Variants in PRKCH observed in about 807,000 individuals in gnomAD.
PRKCH encodes protein kinase C eta type.
PRKCH carries 28 observed loss-of-function variants against 82.5 expected under a neutral mutation model. The observed-to-expected ratio is 0.34, with a 90% CI of 0.25 to 0.47. The LOEUF (loss-of-function observed/expected upper bound fraction) is 0.47. Among genes scored for constraint, PRKCH ranks in the 20% least tolerant of loss-of-function variants. PRKCH has a pLI of 1.00. For synonymous variants in PRKCH, 322 were observed against 327.4 expected, an observed-to-expected ratio of 0.98 and a Z score of 0.18; for missense variants, 705 against 881.8, an observed-to-expected ratio of 0.80 and a Z score of 2.54.
intron 2 of PRKCH, among the ~76,000 whole-genome samples, chr14:61,395,346 G>C (rs2046762633): frequency 6.8e-6 from 1 of 146,416 alleles, no homozygotes. Flanking sequence ...CTGGCACTGA[G>C]AGCATGTCCC....
At chr14:61,487,773 G>A (rs1370168636) in intron 10 of PRKCH, among the ~76,000 whole-genome samples, 1 of 150,724 alleles carries the variant, frequency 6.6e-6, no homozygotes, top group Non-Finnish European at 1.5e-5. Flanking sequence ...GGGGAGGATC[G>A]CTTGAGCCTG....
intron 1 of PRKCH, among the ~76,000 whole-genome samples, chr14:61,313,158 C>A (rs1039371018): frequency 1.3e-5 from 2 of 152,060 alleles, no homozygotes; most frequent in African/African-American, 2.4e-5. Context: ...CTAGAGAAAA[C>A]CCAGTAAAGG....
At chr14:61,445,761 G>T in intron 4 of PRKCH, 35 bp downstream of exon 4, 1 of 1,570,708 alleles carries the variant, frequency 6.4e-7, no homozygotes, top group Admixed American at 1.7e-5. Context: ...GTTTCATTTT[G>T]TTCCTATGTT....
intron 1 of PRKCH, among the ~76,000 whole-genome samples, chr14:61,299,322 T>G (rs2045431195): frequency 6.6e-6 from 1 of 152,192 alleles, no homozygotes; most frequent in African/African-American, 2.4e-5. Context: ...GTTGTATGCA[T>G]GCTCACCTGA....
At chr14:61,487,869 G>A (rs1314091066) in intron 10 of PRKCH, among the ~76,000 whole-genome samples, 2 of 151,038 alleles carry the variant, frequency 1.3e-5, no homozygotes, top group African/African-American at 4.9e-5. Context: ...TAAAAAATTA[G>A]CCAGCCGGGC....
chr14:61,507,356 C>T (rs1887193449), intron 10 of PRKCH, among the ~76,000 whole-genome samples: 1 of 152,166 alleles, frequency 6.6e-6, no homozygotes, highest in Non-Finnish European at 1.5e-5. Flanking sequence ...GGTGCAGCCA[C>T]TAAGCAAAAC....
chr14:61,448,348 A>G (rs1884325934), intron 4 of PRKCH, among the ~76,000 whole-genome samples: 1 of 152,262 alleles, frequency 6.6e-6, no homozygotes, highest in Admixed American at 6.5e-5. Flanking sequence ...AACTATCTGC[A>G]GTGTATCACT....
intron 9 of PRKCH, among the ~76,000 whole-genome samples, chr14:61,466,445 C>CCGG (rs1885260928): frequency 6.6e-6 from 1 of 152,122 alleles, no homozygotes; most frequent in Non-Finnish European, 1.5e-5. Flanking sequence ...TCCCCCATCC[C>CCGG]CGGCTCGCAG....
At chr14:61,477,562 AAT>A (rs1283638264) in intron 9 of PRKCH, among the ~76,000 whole-genome samples, 14 of 152,248 alleles carry the variant, frequency 9.2e-5, no homozygotes, top group African/African-American at 3.4e-4. Flanking sequence ...CGCTTACAGT[AAT>A]ATGTTTTTAG....
At chr14:61,229,884 G>A (rs184317602) in intron 1 of PRKCH, among the ~76,000 whole-genome samples, 4 of 152,254 alleles carry the variant, frequency 2.6e-5, no homozygotes, top group African/African-American at 4.8e-5. Context: ...CAATGTCGAC[G>A]GCATGGGCTC....
At chr14:61,320,139 C>A (rs2140114783), upstream of PRKCH, among the ~76,000 whole-genome samples, 1 of 152,044 alleles carries the variant, frequency 6.6e-6, no homozygotes, top group East Asian at 1.9e-4. Context: ...TTATGGTAAG[C>A]CATGATCACA....
intron 10 of PRKCH, among the ~76,000 whole-genome samples, chr14:61,495,877 A>G (rs1050255359): frequency 6.6e-6 from 1 of 152,250 alleles, no homozygotes. Flanking sequence ...GTATATGGAT[A>G]AAAAACTTGG....
intron 1 of PRKCH, among the ~76,000 whole-genome samples, chr14:61,210,778 C>CTG (rs1453602088): frequency 8.5e-6 from 1 of 118,066 alleles, no homozygotes; most frequent in Non-Finnish European, 2.0e-5. Context: ...CTCTCTCTCT[C>CTG]TCTCTCTCTC....
At chr14:61,258,087 T>A (rs928216083) in intron 1 of PRKCH, among the ~76,000 whole-genome samples, 1 of 152,106 alleles carries the variant, frequency 6.6e-6, no homozygotes. Flanking sequence ...TAATTTTCAA[T>A]AAAAACTCGC....
At chr14:61,229,192 TGA>T (rs1402355094) in intron 1 of PRKCH, among the ~76,000 whole-genome samples, 1 of 152,132 alleles carries the variant, frequency 6.6e-6, no homozygotes, top group Non-Finnish European at 1.5e-5. Context: ...TAGAATACAG[TGA>T]GAGTGCCAAG....
chr14:61,422,499 AC>A (rs1213557331), intron 2 of PRKCH, among the ~76,000 whole-genome samples: 1 of 151,954 alleles, frequency 6.6e-6, no homozygotes, highest in African/African-American at 2.4e-5. Flanking sequence ...TCTAGTATAT[AC>A]CCCGTTCCCC....
intron 1 of PRKCH, among the ~76,000 whole-genome samples, chr14:61,374,687 GCT>G (rs2046407872): frequency 6.6e-6 from 1 of 152,026 alleles, no homozygotes; most frequent in South Asian, 2.1e-4. Context: ...AGCTGGAGTG[GCT>G]GGGACACAGG....
intron 1 of PRKCH, among the ~76,000 whole-genome samples, chr14:61,220,100 G>T (rs926584954): frequency 3.9e-5 from 6 of 152,196 alleles, no homozygotes; most frequent in Admixed American, 3.9e-4. Context: ...TGGGAAGGCA[G>T]ACAGTCCCAG....
rs1884055623 is a variant in PRKCH at position 61,443,108 on chromosome 14, T to C, written c.428-3T>C. 1.2e-6 allele frequency: 2 copies of C among 1,612,544 alleles called. No homozygotes were observed. Among genetic ancestry groups the C allele is most frequent in the Non-Finnish European group, 1.7e-6 (2 of 1,179,136 alleles). On this transcript the variant is annotated splice_region_variant and splice_polypyrimidine_tract_variant and intron_variant, in intron 2 of 13. Transcript: ENST00000332981. ...TCTTTTTTTCCTTCCTTTTAATATATAGCTACTCTCCAGAGAGACCGGATC... is the reference window on the plus strand; with the variant it reads ...TCTTTTTTTCCTTCCTTTTAATATACAGCTACTCTCCAGAGAGACCGGATC...
Sources: allele counts gnomAD v4.1 joint callset (sites outside exome capture counted in the v4.1 genomes callset), GRCh38; gene constraint gnomAD v4.1.1; transcripts MANE v1.5; gene names NCBI Gene and HGNC (gene_info 2026-07-23, HGNC 2026-07-21).